Variants in TRAF4 observed in about 807,000 individuals in gnomAD.
TRAF4 encodes the protein TNF receptor-associated factor 4.
In TRAF4, 9 loss-of-function variants were observed where a neutral mutation model predicts 47.3. The ratio of observed to expected loss-of-function variants is 0.19; its 90% CI spans 0.11 to 0.33. The LOEUF (loss-of-function observed/expected upper bound fraction) is 0.33. TRAF4 is among the 10% of genes least tolerant of loss of function. The pLI is 1.00. For missense variants in TRAF4, 448 were observed against 620.3 expected, an observed-to-expected ratio of 0.72 and a Z score of 2.95; for synonymous variants, 236 against 236.9, an observed-to-expected ratio of 1.00 and a Z score of 0.04.
chr17:28,749,209 T>G lies in TRAF4; in HGVS notation c.1045T>G (p.Ser349Ala). The G allele has an allele frequency of 6.2e-7, 1 of 1,614,120 alleles. No individual in the cohort carries two copies. Among genetic ancestry groups the G allele is most frequent in the Non-Finnish European group, 8.5e-7 (1 of 1,180,042 alleles). The change falls in exon 7 of 7, where the codon TCT (serine) becomes GCT (alanine). Residue 349 changes from serine (S) to alanine (A), a missense_variant. By Grantham distance (99) the Ser-to-Ala change is moderately conservative. Coordinates refer to ENST00000262395, the MANE Select transcript of TRAF4 (RefSeq NM_004295.4). ...TAAGTATGGTTACAAGCTGCAGGTG[T>G]CTGCATTCCTCAATGGCAATGGCAG... ...THKYGYKLQV[S>A]AFLNGNGSGE...
chr17:28,747,317 G>T (rs2034529340), intron 2 of TRAF4, 53 bp downstream of exon 2: 2 of 1,587,546 alleles, frequency 1.3e-6, no homozygotes, highest in African/African-American at 2.7e-5. Context: ...GCCCTTGGAG[G>T]CCGGAGCTGC....
chr17:28,744,330 G>A (rs1375586685), intron 1 of TRAF4, 75 bp downstream of exon 1: 23 of 1,456,362 alleles, frequency 1.6e-5, no homozygotes, highest in Non-Finnish European at 1.9e-5. Flanking sequence ...TCTCGGGCCC[G>A]GGGCAAGGCG....
At position 28,749,011 on chromosome 17, in the gene TRAF4, G is replaced by T. The variant is rs2034560326; in HGVS notation, c.847G>T (p.Ala283Ser). 2.5e-6 allele frequency: 4 copies of T among 1,613,758 alleles called. No homozygotes were observed. The highest frequency in any genetic ancestry group is 3.4e-6 in the Non-Finnish European group (4 of 1,180,040). ...GAAGCCACATCTGGCCATGATGTGT[G>T]CCCTGGTGAGCCGGCAACGGCAGGA... ...SVKPHLAMMCALVSRQRQELQ... is the reference protein window; with the variant it reads ...SVKPHLAMMCSLVSRQRQELQ... The change falls in exon 7 of 7, where the codon GCC (alanine) becomes TCC (serine). Residue 283 changes from alanine to serine, a missense_variant. Physicochemically the swap from Ala to Ser is moderately conservative, Grantham distance 99. Transcript: ENST00000262395.
chr17:28,750,212 C>T lies in TRAF4; in HGVS notation c.*635C>T. The T allele has an allele frequency of 2.8e-6, 1 of 351,738 alleles. No homozygotes were observed. Among genetic ancestry groups the T allele is most frequent in the Non-Finnish European group, 5.2e-6 (1 of 192,548 alleles). 21.8% of individuals were successfully genotyped at this position (351,738 alleles called of 1,614,324 possible). On this transcript the variant is annotated 3_prime_UTR_variant, in exon 7 of 7. Coordinates refer to ENST00000262395, the MANE Select transcript of TRAF4 (RefSeq NM_004295.4). Reference sequence around the variant, plus strand: ...CCCCAGGATCCAGCTTACCTGCTGGCTCGCCCTCTGATGGACGCCGGGAAA... The same window carrying T: ...CCCCAGGATCCAGCTTACCTGCTGGTTCGCCCTCTGATGGACGCCGGGAAA...
chr17:28,748,413 A>T lies in TRAF4; in HGVS notation c.614A>T (p.Asp205Val). The T allele has an allele frequency of 6.2e-7, 1 of 1,605,880 alleles. No homozygotes were observed. Among genetic ancestry groups the T allele is most frequent in the Non-Finnish European group, 8.5e-7 (1 of 1,173,514 alleles). The change falls in exon 5 of 7, where the codon GAC (aspartate) becomes GTC (valine). Residue 205 changes from aspartate to valine, a missense_variant. Asp to Val is a radical substitution (Grantham distance 152, BLOSUM62 -3). Coordinates refer to ENST00000262395, the MANE Select transcript of TRAF4 (RefSeq NM_004295.4). ...TACTGCACTAAGGAGTTCGTCTTTG[A>T]CACCATCCAGGTGAGGCCTTCCCTG... ...CTYCTKEFVF[D>V]TIQSHQYQCP...
chr17:28,748,714 A>G, intron 6 of TRAF4, 48 bp downstream of exon 6: 1 of 1,593,752 alleles, frequency 6.3e-7, no homozygotes, highest in South Asian at 1.1e-5. Context: ...TTGAAGCCCT[A>G]GACAGAGGCT....
chr17:28,746,919 C>G (rs2034522299), intron 1 of TRAF4: 4 of 351,550 alleles, frequency 1.1e-5, no homozygotes, highest in African/African-American at 8.4e-5. Context: ...CTTTCCCAGT[C>G]CAGCTGCCAT....
In TRAF4 at chr17:28,749,136, C is replaced by T; in HGVS notation, c.972C>T (p.Ala324=). Residue 324 remains alanine (A), a synonymous_variant, in exon 7 of 7, where the codon GCC becomes GCT. Transcript: ENST00000262395. ...IGSYGRRLQE[A]KAKPNLECFS... Reference sequence around the variant, plus strand: ...GCTATGGACGGCGGCTACAGGAGGCCAAGGCCAAGCCCAACCTTGAGTGCT... The same window carrying T: ...GCTATGGACGGCGGCTACAGGAGGCTAAGGCCAAGCCCAACCTTGAGTGCT... 1 of 1,614,096 alleles carries T rather than the reference C, an allele frequency of 6.2e-7. No individual in the cohort carries two copies. Among genetic ancestry groups the T allele is most frequent in the South Asian group, 1.1e-5 (1 of 91,092 alleles).
Position 28,744,176 on chromosome 17 carries a change from G to T in TRAF4, c.64G>T (p.Gly22Trp). The part of the protein sequence containing the change: ...PKRRLLCPLC[G>W]KPMREPVQVS... The stretch of plus-strand genomic sequence containing the variant: ...GCGACGGCTGCTGTGCCCACTGTGC[G>T]GGAAGCCCATGCGCGAGCCTGTGCA... Residue 22 changes from glycine (G) to tryptophan (W), a missense_variant, in exon 1 of 7, where the codon GGG becomes TGG. Physicochemically the swap from Gly to Trp is radical, Grantham distance 184 (BLOSUM62 -2). Transcript: ENST00000262395. 6.3e-7 allele frequency: 1 copy of T among 1,596,894 alleles called. No homozygotes were observed.
At chr17:28,747,795 A>C in intron 2 of TRAF4, 48 bp from the exon 3 acceptor site, 4 of 1,557,698 alleles carry the variant, frequency 2.6e-6, no homozygotes, top group Non-Finnish European at 3.5e-6. Context: ...GGAACTGGGC[A>C]CTGCAGTCAG....
At chr17:28,747,113 C>T (rs534180456) in intron 1 of TRAF4, 100 bp from the exon 2 acceptor site, 16 of 1,376,950 alleles carry the variant, frequency 1.2e-5, no homozygotes, top group Admixed American at 8.0e-5. Flanking sequence ...GGTTGGGAAC[C>T]GGTCTGGTGA....
In TRAF4 at chr17:28,749,968, A is replaced by AT. The variant is rs888632555; in HGVS notation, c.*397dup. ...TTCAAAGAGTCTGTCTTGAGATCTG[A>AT]TTTTTTCCCCCTTTACCTAGCTGTG... is the stretch of plus-strand genomic sequence containing the variant. On this transcript the variant is annotated 3_prime_UTR_variant, in exon 7 of 7. Transcript: ENST00000262395. 11 of 668,020 alleles carry AT rather than the reference A, an allele frequency of 1.6e-5. No homozygotes were observed. The highest frequency in any genetic ancestry group is 1.6e-4 in the East Asian group (6 of 36,530). 41.4% of individuals were successfully genotyped at this position (668,020 alleles called of 1,614,324 possible). A position where few individuals can be genotyped will look rare whatever the true frequency, so the allele number is the denominator to read the frequency against.
Position 28,748,291 on chromosome 17 carries a change from T to A in TRAF4, c.492T>A (p.Ser164Arg). 1 of 1,613,380 alleles carries A rather than the reference T, an allele frequency of 6.2e-7. No individual in the cohort carries two copies. Among genetic ancestry groups the A allele is most frequent in the Non-Finnish European group, 8.5e-7 (1 of 1,179,806 alleles). ...ATGAGGGTATGTGCCCCCAGGAGAGTGTCTACTGTGAGAATAAGTGTGGTG... is the reference window on the plus strand; with the variant it reads ...ATGAGGGTATGTGCCCCCAGGAGAGAGTCTACTGTGAGAATAAGTGTGGTG... ...ESHEGMCPQESVYCENKCGAR... is the reference protein window; with the variant it reads ...ESHEGMCPQERVYCENKCGAR... Residue 164 changes from serine to arginine, a missense_variant, in exon 5 of 7, where the codon AGT becomes AGA. Physicochemically the swap from Ser to Arg is moderately radical, Grantham distance 110 (BLOSUM62 -1). Transcript: ENST00000262395.
At chr17:28,745,144 G>T (rs892014076) in intron 1 of TRAF4, among the ~76,000 whole-genome samples, 3 of 152,238 alleles carry the variant, frequency 2.0e-5, no homozygotes, top group African/African-American at 7.2e-5. Flanking sequence ...GCTGTTTGCT[G>T]GGACGAGGGG....
At chr17:28,745,336 C>T (rs2034494708) in intron 1 of TRAF4, 1 of 152,638 alleles carries the variant, frequency 6.6e-6, no homozygotes. Flanking sequence ...CCGGCACAAG[C>T]TGCAGGACTG....
chr17:28,747,199 C>T lies in TRAF4; in HGVS notation c.144-14C>T, dbSNP rs2034526365. ...CTAATGAGAAACCTTTTTCCTGCCC[C>T]TCCCCCATTTCAGTGAAGGAGTCTT... is the stretch of plus-strand genomic sequence containing the variant. On this transcript the variant is annotated splice_polypyrimidine_tract_variant and intron_variant, in intron 1 of 6. Transcript: ENST00000262395. 1.9e-6 allele frequency: 3 copies of T among 1,612,830 alleles called. No homozygotes were observed. The highest frequency in any genetic ancestry group is 4.5e-5 in the East Asian group (2 of 44,846).
In TRAF4 at chr17:28,748,420, C is replaced by T; in HGVS notation, c.621C>T (p.Ile207=). Residue 207 remains isoleucine (I), a synonymous_variant, in exon 5 of 7, where the codon ATC becomes ATT. Coordinates refer to ENST00000262395, the MANE Select transcript of TRAF4 (RefSeq NM_004295.4). ...CTAAGGAGTTCGTCTTTGACACCAT[C>T]CAGGTGAGGCCTTCCCTGAACTGTG... is the stretch of plus-strand genomic sequence containing the variant. The part of the protein sequence containing the change: ...YCTKEFVFDT[I]QSHQYQCPRL... 6.2e-7 allele frequency: 1 copy of T among 1,605,456 alleles called. No homozygotes were observed. Among genetic ancestry groups the T allele is most frequent in the Admixed American group, 1.7e-5 (1 of 59,778 alleles).
chr17:28,745,502 G>A (rs1220152335), intron 1 of TRAF4: 1 of 152,250 alleles, frequency 6.6e-6, no homozygotes, highest in East Asian at 1.9e-4. Context: ...CTCGGGAAAG[G>A]AGCGGGGGAG....
In TRAF4 at chr17:28,747,197, C is replaced by T. The variant is rs1210098927; in HGVS notation, c.144-16C>T. On this transcript the variant is annotated splice_polypyrimidine_tract_variant and intron_variant, in intron 1 of 6. Coordinates refer to ENST00000262395, the MANE Select transcript of TRAF4 (RefSeq NM_004295.4). ...CCCTAATGAGAAACCTTTTTCCTGC[C>T]CCTCCCCCATTTCAGTGAAGGAGTC... 1 of 1,612,576 alleles carries T rather than the reference C, an allele frequency of 6.2e-7. No individual in the cohort carries two copies. The highest frequency in any genetic ancestry group is 8.5e-7 in the Non-Finnish European group (1 of 1,179,356).
Sources: gnomAD v4.1 joint callset for allele counts (sites outside exome capture counted in the v4.1 genomes callset) on GRCh38, gnomAD v4.1.1 for gene constraint, MANE v1.5 for transcripts, NCBI Gene and HGNC (gene_info 2026-07-23, HGNC 2026-07-21) for gene names.